The following HDAC6 variants were observed in gnomAD, a reference collection of about 807,000 sequenced individuals.
HDAC6 encodes the protein histone deacetylase 6, also known as protein deacetylase HDAC6.
In HDAC6, 5 loss-of-function variants were observed where a neutral mutation model predicts 88.9. The ratio of observed to expected loss-of-function variants is 0.06; its 90% CI spans 0.03 to 0.12. The LOEUF (loss-of-function observed/expected upper bound fraction) is 0.12. Ranked by LOEUF, HDAC6 falls within the 10% of genes least tolerant of loss-of-function variation. The probability of loss-of-function intolerance (pLI) is 1.00; values close to 1 mark genes in which losing one functional copy is unlikely to be tolerated. For missense variants in HDAC6, 706 were observed against 1,014.4 expected (o/e 0.70, Z 4.13); for synonymous variants, 378 against 398.0 (o/e 0.95, Z 0.60).
intron 10 of HDAC6, among the ~76,000 whole-genome samples, chrX:48,811,413 C>T (rs1557025898): frequency 8.9e-6 from 1 of 112,377 alleles, no homozygotes. Flanking sequence ...TGATGGTTTT[C>T]CTCAAATGTC....
chrX:48,815,847 T>A lies in HDAC6; in HGVS notation c.1325-37T>A, dbSNP rs782073510. On this transcript the variant is annotated intron_variant, in intron 16 of 28. Coordinates refer to ENST00000334136, the MANE Select transcript of HDAC6 (RefSeq NM_006044.4). ...TTCCAGAGTATGACGGGGATTCAGA[T>A]TGAGAGGGTAGGACAAACGTGGCCT... The A allele has an allele frequency of 3.4e-6, 4 of 1,192,063 alleles. No homozygotes were observed. In the South Asian group the frequency reaches 7.3e-5, roughly 22 times the overall value.
Position 48,815,591 on chromosome X carries a change from T to A in HDAC6, c.1273T>A (p.Ser425Thr), listed in dbSNP as rs1557027310. 1 of 1,210,993 alleles carries A rather than the reference T, an allele frequency of 8.3e-7. No homozygotes were observed. ...GCCCTGCAGTGCCCAGGCTTCAGTT[T>A]CCTGTGCTCTGGAAGCCCTTGAGCC... ...APCRSAQASV[S>T]CALEALEPFW... is the part of the protein sequence containing the mutation. Residue 425 changes from serine (S) to threonine (T), a missense_variant, in exon 16 of 29, where the codon TCC (serine) becomes ACC (threonine). Physicochemically the swap from Ser to Thr is moderately conservative, Grantham distance 58. Coordinates refer to ENST00000334136, the MANE Select transcript of HDAC6 (RefSeq NM_006044.4).
intron 17 of HDAC6, 43 bp downstream of exon 17, chrX:48,816,095 T>TC (rs1569504119): frequency 8.3e-7 from 1 of 1,206,397 alleles, no homozygotes; most frequent in Admixed American, 2.2e-5. Flanking sequence ...TGGGGGTCCC[T>TC]CCCCCTCAGG....
intron 19 of HDAC6, chrX:48,816,945 C>T (rs1825269699): frequency 6.9e-6 from 2 of 290,720 alleles, no homozygotes; most frequent in Non-Finnish European, 1.2e-5. Flanking sequence ...CAGAGTGAGA[C>T]CCTGTGTCAA....
At chrX:48,803,342 G>A (rs782183383) in intron 4 of HDAC6, 126 bp downstream of exon 4, 38 of 525,327 alleles carry the variant, frequency 7.2e-5, no homozygotes, top group Non-Finnish European at 1.1e-4. Context: ...GGGAGGTAGG[G>A]CTCACACTTG....
chrX:48,814,291 ATAAT>A, intron 10 of HDAC6, 145 bp from the exon 11 acceptor site: 4 of 550,599 alleles, frequency 7.3e-6, no homozygotes, highest in South Asian at 3.1e-5. Context: ...CATGGATTAA[ATAAT>A]TAATGGGGAA....
In HDAC6 at chrX:48,814,507, T is replaced by C. The variant is rs1557026740; in HGVS notation, c.874T>C (p.Trp292Arg). ...CTGGCCCCACCTGAAGGCCTCTAAC[T>C]GGTCCACCACAGGTTTCGGCCAAGG... ...RFWPHLKASN[W>R]STTGFGQGQG... Residue 292 changes from tryptophan (W) to arginine (R), a missense_variant, in exon 11 of 29, where the codon TGG (tryptophan) becomes CGG (arginine). Physicochemically the swap from Trp to Arg is moderately radical, Grantham distance 101. Around this residue, in one of 9 missense-constraint regions of HDAC6, gnomAD observed 193 missense variants for 258.2 expected, o/e 0.75. Transcript: ENST00000334136. 8.3e-7 allele frequency: 1 copy of C among 1,212,083 alleles called. No individual in the cohort carries two copies. The highest frequency in any genetic ancestry group is 2.2e-5 in the Admixed American group (1 of 46,111).
Position 48,803,160 on chromosome X carries a change from C to T in HDAC6, c.255C>T (p.Gly85=), listed in dbSNP as rs1557023089. The change falls in exon 4 of 29, where the codon GGC becomes GGT. Residue 85 remains glycine, a synonymous_variant. Coordinates refer to ENST00000334136, the MANE Select transcript of HDAC6 (RefSeq NM_006044.4). ...DLNLEAEALA[G]TGLVLDEQLN... The stretch of plus-strand genomic sequence containing the variant: ...ACCTTGAGGCTGAAGCACTGGCTGG[C>T]ACTGGCTTGGTGTTGGATGAGCAGT... The T allele has an allele frequency of 1.8e-5, 22 of 1,210,582 alleles. No homozygotes were observed. The highest frequency in any genetic ancestry group is 2.5e-5 in the Non-Finnish European group (22 of 894,753).
At position 48,802,925 on chromosome X, in the gene HDAC6, G is replaced by A. The variant is rs2062751518; in HGVS notation, c.148G>A (p.Val50Ile). 8.3e-7 allele frequency: 1 copy of A among 1,209,585 alleles called. No individual in the cohort carries two copies. The highest frequency in any genetic ancestry group is 1.1e-6 in the Non-Finnish European group (1 of 894,151). The stretch of plus-strand genomic sequence containing the variant: ...CCGCTCTATCCCCAATCTAGCGGAG[G>A]TAAAGAAGAAAGGCAAAATGAAGAA... ...VPRSIPNLAE[V>I]KKKGKMKKLG... The change falls in exon 3 of 29, where the codon GTA becomes ATA. Residue 50 changes from valine (V) to isoleucine (I), a missense_variant. Physicochemically the swap from Val to Ile is conservative, Grantham distance 29 (BLOSUM62 3). Coordinates refer to ENST00000334136, the MANE Select transcript of HDAC6 (RefSeq NM_006044.4).
chrX:48,803,137 C>A lies in HDAC6; in HGVS notation c.232C>A (p.Leu78Ile). The A allele has an allele frequency of 1.7e-6, 2 of 1,210,143 alleles. No homozygotes were observed. The highest frequency in any genetic ancestry group is 2.2e-6 in the Non-Finnish European group (2 of 894,447). ...IVGLQGMDLNLEAEALAGTGL... is the reference protein window; with the variant it reads ...IVGLQGMDLNIEAEALAGTGL... ...TTTTTTTCCTCTGCAGGATCTGAAC[C>A]TTGAGGCTGAAGCACTGGCTGGCAC... Residue 78 changes from leucine to isoleucine, a missense_variant, in exon 4 of 29, where the codon CTT becomes ATT. Leu to Ile is a conservative substitution (Grantham distance 5). Around this residue, in one of 9 missense-constraint regions of HDAC6, gnomAD observed 193 missense variants for 258.2 expected, o/e 0.75. Transcript: ENST00000334136.
In HDAC6 at chrX:48,820,151, C is replaced by T. The variant is rs782734600; in HGVS notation, c.2233C>T (p.Arg745Trp). ...VLVSAGFDAA[R>W]GDPLGGCQVS... Reference sequence around the variant, plus strand: ...GGTCTCAGCTGGCTTTGATGCTGCACGGGGGGATCCGCTGGGGGGCTGCCA... The same window carrying T: ...GGTCTCAGCTGGCTTTGATGCTGCATGGGGGGATCCGCTGGGGGGCTGCCA... The change falls in exon 23 of 29, where the codon CGG (arginine) becomes TGG (tryptophan). Residue 745 changes from arginine to tryptophan, a missense_variant. Around this residue, in one of 9 missense-constraint regions of HDAC6, gnomAD observed 138 missense variants for 303.5 expected, o/e 0.45. Transcript: ENST00000334136. The T allele has an allele frequency of 1.7e-5, 21 of 1,209,030 alleles. No homozygotes were observed. The highest frequency in any genetic ancestry group is 1.1e-4 in the African/African-American group (6 of 57,125).
At chrX:48,801,693 T>C, upstream of HDAC6, 1 of 338,270 alleles carries the variant, frequency 3.0e-6, no homozygotes, top group Non-Finnish European at 4.8e-6. Flanking sequence ...GCGGTGTGGC[T>C]CAGCCCAGCT....
intron 1 of HDAC6, 167 bp downstream of exon 1, chrX:48,802,309 G>A (rs1484512984): frequency 5.6e-6 from 5 of 890,225 alleles, no homozygotes; most frequent in Non-Finnish European, 6.9e-6. Context: ...GGGCTTAGAG[G>A]GTCTGGGAAT....
intron 22 of HDAC6, among the ~76,000 whole-genome samples, chrX:48,818,719 G>C (rs1423684733): frequency 7.1e-5 from 8 of 112,339 alleles, no homozygotes; most frequent in African/African-American, 2.6e-4. Flanking sequence ...TGTTGTATGT[G>C]CGTGCCATCA....
In HDAC6 at chrX:48,823,096, G is replaced by A; in HGVS notation, c.2697G>A (p.Glu899=). 1.7e-6 allele frequency: 2 copies of A among 1,211,216 alleles called. No individual in the cohort carries two copies. The highest frequency in any genetic ancestry group is 2.2e-6 in the Non-Finnish European group (2 of 895,191). ...CCACTCCAGGCCAGACTAACTCAGA[G>A]ACAGCTGTGGTGGCCCTCACTCAGG... ...EESTPGQTNS[E]TAVVALTQDQ... is the part of the protein sequence containing the mutation. Residue 899 remains glutamate, a synonymous_variant, in exon 25 of 29, where the codon GAG becomes GAA. Transcript: ENST00000334136.
At chrX:48,809,158 CTCTGAG>C (rs1557025280) in intron 10 of HDAC6, among the ~76,000 whole-genome samples, 23 of 111,810 alleles carry the variant, frequency 2.1e-4, no homozygotes. Context: ...TTCTGCACTT[CTCTGAG>C]TCTATCTGTA....
At chrX:48,806,292 A>G in intron 6 of HDAC6, 76 bp from the exon 7 acceptor site, 1 of 627,354 alleles carries the variant, frequency 1.6e-6, no homozygotes, top group South Asian at 2.4e-5. Flanking sequence ...CCCTAATTTG[A>G]CCAGGGGGTT....
Position 48,814,868 on chromosome X carries a change from T to C in HDAC6, c.1034T>C (p.Phe345Ser). 8.3e-7 allele frequency: 1 copy of C among 1,211,556 alleles called. No homozygotes were observed. The highest frequency in any genetic ancestry group is 1.1e-6 in the Non-Finnish European group (1 of 895,388). Residue 345 changes from phenylalanine to serine, a missense_variant, in exon 13 of 29, where the codon TTT (phenylalanine) becomes TCT (serine). Phe to Ser is a radical substitution (Grantham distance 155). This residue lies in a region of HDAC6 where 10 missense variants were observed against 36.4 expected (regional missense o/e 0.27). Transcript: ENST00000334136. ...CAGCTGGTCCTGGTGGCTGCTGGAT[T>C]TGATGCCCTGCAAGGGGACCCCAAG... ...QPQLVLVAAGFDALQGDPKGE... is the reference protein window; with the variant it reads ...QPQLVLVAAGSDALQGDPKGE...
Position 48,824,785 on chromosome X carries a change from A to G in HDAC6, c.*173A>G, listed in dbSNP as rs1330891219. ...TGTTAATACTTTTAAGAGAACTGCG[A>G]CGATTAATTGTGGATCTCCCCCTGC... is the stretch of plus-strand genomic sequence containing the variant. On this transcript the variant is annotated 3_prime_UTR_variant, in exon 29 of 29. Transcript: ENST00000334136. 14 of 1,099,442 alleles carry G rather than the reference A, an allele frequency of 1.3e-5. No individual in the cohort carries two copies. Among genetic ancestry groups the G allele is most frequent in the Non-Finnish European group, 1.7e-5 (14 of 844,888 alleles). The allele number at this position is 1,099,442 out of a possible 1,213,427, so 90.6% of individuals were successfully genotyped here. A position where few individuals can be genotyped will look rare whatever the true frequency, so the allele number is the denominator to read the frequency against.
Sources: gnomAD v4.1 joint callset for allele counts (sites outside exome capture counted in the v4.1 genomes callset) on GRCh38, gnomAD v4.1.1 for gene constraint, gnomAD v4.1.1 regional missense constraint, MANE v1.5 for transcripts, NCBI Gene and HGNC (gene_info 2026-07-23, HGNC 2026-07-21) for gene names.